CA10: variants seen among roughly 807,000 people sequenced by gnomAD.
CA10 encodes carbonic anhydrase 10 (inactive), also known as carbonic anhydrase-related protein 10.
CA10 carries 14 observed loss-of-function variants against 44.2 expected under a neutral mutation model. The ratio of observed to expected loss-of-function variants is 0.32; its 90% confidence interval spans 0.21 to 0.50. CA10 has a LOEUF of 0.50. Ranked by LOEUF, CA10 falls within the 20% of genes least tolerant of loss-of-function variation. The pLI, the probability that CA10 is intolerant of heterozygous loss-of-function variation, is 0.99. For synonymous variants in CA10, 159 were observed against 141.6 expected, an observed-to-expected ratio of 1.12 and a Z score of -0.87; for missense variants, 350 against 409.7, an observed-to-expected ratio of 0.85 and a Z score of 1.26.
intron 3 of CA10, among the ~76,000 whole-genome samples, chr17:51,803,160 C>T (rs1424808632): frequency 4.6e-5 from 7 of 152,136 alleles, no homozygotes; most frequent in East Asian, 1.9e-4. Context: ...CTGATTTGTG[C>T]GCAACTAGGA....
intron 6 of CA10, among the ~76,000 whole-genome samples, chr17:51,644,216 A>C (rs1358953702): frequency 2.6e-5 from 4 of 151,604 alleles, no homozygotes; most frequent in Non-Finnish European, 4.4e-5. Context: ...CCAATCCTAC[A>C]AACCGGGCAA....
At chr17:51,723,804 T>C (rs1250812148) in intron 4 of CA10, among the ~76,000 whole-genome samples, 4 of 152,254 alleles carry the variant, frequency 2.6e-5, no homozygotes, top group African/African-American at 9.6e-5. Flanking sequence ...GTTTTTCCCC[T>C]CTGCCCTCTT....
intron 3 of CA10, among the ~76,000 whole-genome samples, chr17:51,851,824 T>C (rs774373529): frequency 1.7e-4 from 26 of 152,350 alleles, no homozygotes; most frequent in Non-Finnish European, 2.6e-4. Context: ...GCTTCAAACA[T>C]TGGGAAATTT....
chr17:51,993,051 ATAAT>A (rs1308403565), intron 2 of CA10, among the ~76,000 whole-genome samples: 1 of 152,188 alleles, frequency 6.6e-6, no homozygotes, highest in African/African-American at 2.4e-5. Flanking sequence ...AGATATCAGC[ATAAT>A]TAAAGAATTA....
At chr17:51,917,925 C>G (rs1982069128) in intron 3 of CA10, among the ~76,000 whole-genome samples, 1 of 152,166 alleles carries the variant, frequency 6.6e-6, no homozygotes, top group Non-Finnish European at 1.5e-5. Flanking sequence ...CCTACTTCCC[C>G]CATTCCCTGG....
chr17:51,822,439 CAAA>C (rs1217190086), intron 3 of CA10, among the ~76,000 whole-genome samples: 1 of 151,766 alleles, frequency 6.6e-6, no homozygotes, highest in African/African-American at 2.4e-5. Flanking sequence ...AAAACAAAAA[CAAA>C]AACAAAAAAA....
chr17:52,030,510 T>C (rs1284516803), intron 2 of CA10, among the ~76,000 whole-genome samples: 2 of 152,200 alleles, frequency 1.3e-5, no homozygotes, highest in Admixed American at 6.5e-5. Context: ...TCCATTTCCA[T>C]CTCTGCTCTA....
intron 3 of CA10, among the ~76,000 whole-genome samples, chr17:51,836,948 G>A (rs1380569009): frequency 6.6e-6 from 1 of 152,068 alleles, no homozygotes; most frequent in East Asian, 1.9e-4. Context: ...TACTTGGCAG[G>A]GCATAAGGAG....
At chr17:51,655,629 A>C (rs59222676) in intron 4 of CA10, among the ~76,000 whole-genome samples, 2,939 of 152,286 alleles carry the variant, frequency 0.019, 71 homozygotes, top group African/African-American at 0.05. Context: ...TTGATTTGGG[A>C]TGATACTTGT....
intron 2 of CA10, among the ~76,000 whole-genome samples, chr17:52,029,465 G>A (rs1195128387): frequency 6.6e-6 from 1 of 152,156 alleles, no homozygotes; most frequent in African/African-American, 2.4e-5. Context: ...AAGCAGGGGT[G>A]TATTAATAGA....
intron 3 of CA10, among the ~76,000 whole-genome samples, chr17:51,887,974 G>A (rs1436462941): frequency 2.6e-5 from 4 of 152,114 alleles, no homozygotes; most frequent in Admixed American, 6.5e-5. Flanking sequence ...GCAGTAAGCC[G>A]AGATTGCGCC....
At chr17:51,649,298 C>G in intron 5 of CA10, 44 bp from the exon 6 acceptor site, 1 of 1,322,090 alleles carries the variant, frequency 7.6e-7, no homozygotes, top group South Asian at 1.2e-5. Context: ...ATCACTCTTG[C>G]AGGACAAACA....
chr17:52,134,773 G>A, intron 1 of CA10: 1 of 481,064 alleles, frequency 2.1e-6, no homozygotes, highest in Non-Finnish European at 4.2e-6. Flanking sequence ...GCAGAGCTCA[G>A]GTTATGCATG....
intron 1 of CA10, among the ~76,000 whole-genome samples, chr17:52,136,560 A>T (rs1447964648): frequency 6.6e-6 from 1 of 152,102 alleles, no homozygotes; most frequent in African/African-American, 2.4e-5. Flanking sequence ...GCTGGGAGTG[A>T]GGGGTGGTAT....
At chr17:51,717,692 T>TAC in intron 4 of CA10, among the ~76,000 whole-genome samples, 1 of 73,550 alleles carries the variant, frequency 1.4e-5, no homozygotes, top group African/African-American at 4.3e-5. Flanking sequence ...TATGTATACA[T>TAC]ATATGCATGT....
intron 4 of CA10, among the ~76,000 whole-genome samples, chr17:51,703,722 A>AT (rs1915673936): frequency 6.6e-6 from 1 of 152,202 alleles, no homozygotes; most frequent in South Asian, 2.1e-4. Flanking sequence ...AACACTTAGG[A>AT]AACTGGGCTT....
intron 2 of CA10, among the ~76,000 whole-genome samples, chr17:51,944,979 G>T (rs567184753): frequency 6.6e-6 from 1 of 152,202 alleles, no homozygotes; most frequent in East Asian, 1.9e-4. Context: ...GGGATGATCC[G>T]GGTAGACCCA....
intron 2 of CA10, among the ~76,000 whole-genome samples, chr17:51,935,822 C>A (rs192111125): frequency 6.6e-6 from 1 of 152,092 alleles, no homozygotes; most frequent in Non-Finnish European, 1.5e-5. Context: ...ACCTTGGCAA[C>A]GTCTGGACAA....
In CA10 at chr17:51,654,701, C is replaced by T. The variant is rs143787884; in HGVS notation, c.466-965G>A. 8.8e-4 allele frequency among the ~76,000 whole-genome samples: 134 copies of T among 152,082 alleles called. 1 individual carries two copies. Among genetic ancestry groups the T allele is most frequent in the African/African-American group, 3.0e-3 (124 of 41,500 alleles). ...CCTTCCAAGTAGCTAGGACTACAGG[C>T]GCATGTCACCACGCCAGGCTAATTT... On this transcript the variant is annotated intron_variant, in intron 4 of 8. Transcript: ENST00000451037.
Sources: allele counts gnomAD v4.1 joint callset (sites outside exome capture counted in the v4.1 genomes callset), GRCh38; gene constraint gnomAD v4.1.1; transcripts MANE v1.5; gene names NCBI Gene and HGNC (gene_info 2026-07-23, HGNC 2026-07-21).